Variants in MYO10 observed in about 807,000 individuals in gnomAD.
The protein encoded by MYO10 is unconventional myosin-X.
Under a neutral mutation model 257.3 loss-of-function variants are expected in MYO10, and 133 were observed. The ratio of observed to expected loss-of-function variants is 0.52; its 90% confidence interval spans 0.45 to 0.60. The LOEUF is 0.60. Ranked by LOEUF, MYO10 falls within the 20% of genes least tolerant of loss-of-function variation. MYO10 has a pLI of 0.00. For missense variants in MYO10, 2,399 were observed against 2,635.7 expected (o/e 0.91, Z 1.97); for synonymous variants, 1,104 against 1,028.6 (o/e 1.07, Z -1.40).
At chr5:16,672,861 G>C (rs1174944607) in intron 36 of MYO10, 36 bp from the exon 37 acceptor site, 2 of 1,602,504 alleles carry the variant, frequency 1.2e-6, no homozygotes, top group Non-Finnish European at 8.5e-7. Flanking sequence ...AGTTCCACAG[G>C]CTGCGGCCCC....
intron 2 of MYO10, among the ~76,000 whole-genome samples, chr5:16,819,033 T>C (rs1390064747): frequency 1.3e-5 from 2 of 152,232 alleles, no homozygotes; most frequent in African/African-American, 4.8e-5. Context: ...TTAAATATGG[T>C]ATACGTTCAT....
At chr5:16,748,292 G>A (rs10057331) in intron 19 of MYO10, among the ~76,000 whole-genome samples, 20,587 of 151,868 alleles carry the variant, frequency 0.14, 1,553 homozygotes, top group African/African-American at 0.18. Context: ...TCACCCAGGC[G>A]GGAGTGCAGT....
intron 2 of MYO10, among the ~76,000 whole-genome samples, chr5:16,876,967 T>C (rs936427651): frequency 2.6e-5 from 4 of 152,280 alleles, no homozygotes; most frequent in Non-Finnish European, 4.4e-5. Flanking sequence ...GCAGCCTTCA[T>C]GAATGGGATT....
At chr5:16,883,203 C>T (rs1032175977) in intron 1 of MYO10, among the ~76,000 whole-genome samples, 3 of 152,138 alleles carry the variant, frequency 2.0e-5, no homozygotes, top group Non-Finnish European at 1.5e-5. Context: ...GTGTGAGCCA[C>T]CGCGCCCGGC....
intron 9 of MYO10, among the ~76,000 whole-genome samples, chr5:16,776,174 G>A (rs567586573): frequency 6.6e-6 from 1 of 152,252 alleles, no homozygotes; most frequent in South Asian, 2.1e-4. Flanking sequence ...TGACATTACA[G>A]ACATGAGCCA....
chr5:16,725,078 C>CTTCTTTTTTT, intron 19 of MYO10, among the ~76,000 whole-genome samples: 1 of 74,890 alleles, frequency 1.3e-5, no homozygotes, highest in African/African-American at 5.0e-5. Flanking sequence ...CCTTCTTCTT[C>CTTCTTTTTTT]TTTTTTTTTT....
At chr5:16,743,494 T>A (rs572823716) in intron 19 of MYO10, among the ~76,000 whole-genome samples, 1 of 151,794 alleles carries the variant, frequency 6.6e-6, no homozygotes, top group Admixed American at 6.6e-5. Flanking sequence ...AATACAAAAA[T>A]CGGCCAGGCG....
intron 1 of MYO10, among the ~76,000 whole-genome samples, chr5:16,913,039 C>T (rs1745711644): frequency 6.7e-6 from 1 of 150,188 alleles, no homozygotes; most frequent in South Asian, 2.1e-4. Context: ...TAGTAAAGTT[C>T]ACCAAAAAAG....
chr5:16,802,804 T>A (rs955699920), intron 3 of MYO10, among the ~76,000 whole-genome samples: 2 of 152,050 alleles, frequency 1.3e-5, no homozygotes, highest in African/African-American at 4.8e-5. Flanking sequence ...AGAAACATTA[T>A]GCTCCTTAAC....
intron 2 of MYO10, among the ~76,000 whole-genome samples, chr5:16,862,148 C>T (rs987256478): frequency 1.3e-5 from 2 of 152,118 alleles, no homozygotes; most frequent in Admixed American, 6.5e-5. Flanking sequence ...AAGGGGACCA[C>T]GGGAAGAATG....
intron 29 of MYO10, 44 bp downstream of exon 29, chr5:16,685,694 T>G: frequency 2.4e-4 from 130 of 543,912 alleles, no homozygotes; most frequent in Non-Finnish European, 3.7e-4. Flanking sequence ...TCCCCGTCCC[T>G]GCCCCTAGAC....
chr5:16,723,606 C>T (rs752514307), intron 19 of MYO10, among the ~76,000 whole-genome samples: 1 of 152,086 alleles, frequency 6.6e-6, no homozygotes, highest in Non-Finnish European at 1.5e-5. Flanking sequence ...AGCGACTGCC[C>T]GCTGAGGTAT....
chr5:16,749,324 T>C (rs1050688692), intron 19 of MYO10, among the ~76,000 whole-genome samples: 2 of 151,900 alleles, frequency 1.3e-5, no homozygotes, highest in African/African-American at 4.8e-5. Flanking sequence ...CCATCTCTAC[T>C]AAAAATACAA....
rs1204181973 is a variant in MYO10, at chr5:16,936,280, C to T, written c.-472G>A. ...CGCCGCGGCTCAGCCAGCTCTCGCC[C>T]GCGGGACTACAGCCCAGCGACCTCG... On this transcript the variant is annotated 5_prime_UTR_variant, in exon 1 of 41. Coordinates refer to ENST00000513610, the MANE Select transcript of MYO10 (RefSeq NM_012334.3). 6.7e-6 allele frequency: 1 copy of T among 149,356 alleles called. No homozygotes were observed. The highest frequency in any genetic ancestry group is 2.6e-5 in the African/African-American group (1 of 38,906). 9.3% of individuals were successfully genotyped at this position (149,356 alleles called of 1,614,324 possible). A position where few individuals can be genotyped will look rare whatever the true frequency, so the allele number is the denominator to read the frequency against.
intron 2 of MYO10, among the ~76,000 whole-genome samples, chr5:16,865,348 G>C (rs997911907): frequency 6.6e-6 from 1 of 152,074 alleles, no homozygotes; most frequent in South Asian, 2.1e-4. Context: ...AGGGCTCAGC[G>C]GTCTGGCATC....
chr5:16,771,546 A>ATTT lies in MYO10; in HGVS notation c.931-2346_931-2344dup, dbSNP rs1372318202. ...CCAAATCTAGGAACTTACTATTATG[A>ATTT]TTTATTATTATTATTATTATTATTA... On this transcript the variant is annotated intron_variant, in intron 9 of 40. Coordinates refer to ENST00000513610, the MANE Select transcript of MYO10 (RefSeq NM_012334.3). Among the ~76,000 whole-genome samples, 9 of 119,748 alleles carry ATTT rather than the reference A, an allele frequency of 7.5e-5. No homozygotes were observed. In the East Asian group the frequency reaches 9.8e-4, roughly 13 times the overall value. 78.6% of individuals were successfully genotyped at this position (119,748 alleles called of 152,430 possible). A position where few individuals can be genotyped will look rare whatever the true frequency, so the allele number is the denominator to read the frequency against.
chr5:16,774,247 A>C (rs764162670), intron 9 of MYO10, among the ~76,000 whole-genome samples: 9 of 152,154 alleles, frequency 5.9e-5, no homozygotes, highest in Non-Finnish European at 5.9e-5. Flanking sequence ...AAAGGAGCTC[A>C]GCTTGTCACC....
chr5:16,933,711 A>AAGGGGAGCTGGGATC (rs1441187784), intron 1 of MYO10, among the ~76,000 whole-genome samples: 10 of 152,342 alleles, frequency 6.6e-5, no homozygotes, highest in African/African-American at 2.2e-4. Flanking sequence ...GAGAGAGAGA[A>AAGGGGAGCTGGGATC]AGGGGAGCTG....
At chr5:16,699,597 C>A (rs368708999) in intron 25 of MYO10, 24 bp from the exon 26 acceptor site, 2 of 1,612,484 alleles carry the variant, frequency 1.2e-6, no homozygotes, top group Non-Finnish European at 1.7e-6. Flanking sequence ...GAGAAGCCAA[C>A]GGTGAGGGAA....
Sources: gnomAD v4.1 joint callset for allele counts (sites outside exome capture counted in the v4.1 genomes callset) on GRCh38, gnomAD v4.1.1 for gene constraint, MANE v1.5 for transcripts, NCBI Gene and HGNC (gene_info 2026-07-23, HGNC 2026-07-21) for gene names.